CPQ: variants seen among roughly 807,000 people sequenced by gnomAD.
CPQ encodes the protein carboxypeptidase Q.
Under a neutral mutation model 45.7 loss-of-function variants are expected in CPQ, and 37 were observed. That is an observed-to-expected ratio of 0.81 (90% confidence interval 0.62 to 1.07). The LOEUF (loss-of-function observed/expected upper bound fraction) is 1.07. CPQ is among the 50% of genes least tolerant of loss of function. The pLI is 0.00. For missense variants in CPQ, 537 were observed against 572.9 expected, an observed-to-expected ratio of 0.94 and a Z score of 0.64; for synonymous variants, 186 against 205.8, an observed-to-expected ratio of 0.90 and a Z score of 0.82.
chr8:96,707,606 C>A (rs1809549459), intron 1 of CPQ, among the ~76,000 whole-genome samples: 2 of 151,908 alleles, frequency 1.3e-5, no homozygotes, highest in African/African-American at 4.8e-5. Context: ...TAACTTTCTA[C>A]TGGTATTACA....
intron 5 of CPQ, among the ~76,000 whole-genome samples, chr8:96,984,542 A>G (rs959155089): frequency 6.6e-6 from 1 of 152,222 alleles, no homozygotes; most frequent in Non-Finnish European, 1.5e-5. Context: ...TTGGAAGCAG[A>G]GACTGGATCT....
At chr8:97,094,774 G>A (rs1811183852) in intron 7 of CPQ, among the ~76,000 whole-genome samples, 1 of 150,872 alleles carries the variant, frequency 6.6e-6, no homozygotes, top group Admixed American at 6.6e-5. Context: ...TATATATACA[G>A]CTTTACCCAA....
intron 5 of CPQ, among the ~76,000 whole-genome samples, chr8:96,992,131 A>G (rs1254863166): frequency 6.6e-6 from 1 of 152,186 alleles, no homozygotes; most frequent in African/African-American, 2.4e-5. Flanking sequence ...CTTTTCTTCT[A>G]TAATTTTCTT....
intron 4 of CPQ, among the ~76,000 whole-genome samples, chr8:96,963,968 A>G (rs1019044590): frequency 1.3e-4 from 20 of 152,180 alleles, no homozygotes; most frequent in African/African-American, 4.6e-4. Flanking sequence ...AGACTCATAC[A>G]ATTTTATCAT....
chr8:96,910,025 G>T (rs1191921170), intron 4 of CPQ, among the ~76,000 whole-genome samples: 3 of 152,146 alleles, frequency 2.0e-5, no homozygotes, highest in Non-Finnish European at 4.4e-5. Context: ...CACCACCATG[G>T]ACTTTGAGTC....
chr8:96,689,568 G>C (rs111974412), intron 1 of CPQ, among the ~76,000 whole-genome samples: 2 of 152,120 alleles, frequency 1.3e-5, no homozygotes, highest in South Asian at 4.1e-4. Flanking sequence ...ACCAAATTCT[G>C]TGGATTATTG....
chr8:96,827,702 ATAT>A (rs1447829990), intron 2 of CPQ, among the ~76,000 whole-genome samples: 5 of 152,040 alleles, frequency 3.3e-5, no homozygotes, highest in South Asian at 2.1e-4. Context: ...GGTGATGCCA[ATAT>A]TATTGTGATT....
intron 1 of CPQ, among the ~76,000 whole-genome samples, chr8:96,725,623 A>G (rs1389369272): frequency 6.6e-6 from 1 of 152,224 alleles, no homozygotes; most frequent in Non-Finnish European, 1.5e-5. Flanking sequence ...GAATGCTTAT[A>G]TGCTGGTGGT....
intron 7 of CPQ, among the ~76,000 whole-genome samples, chr8:97,110,913 A>G (rs1199330084): frequency 6.6e-6 from 1 of 152,348 alleles, no homozygotes; most frequent in East Asian, 1.9e-4. Context: ...ACAGTATTGC[A>G]GCTTGAATGT....
chr8:97,074,696 G>A (rs141768709), intron 7 of CPQ, among the ~76,000 whole-genome samples: 7 of 152,194 alleles, frequency 4.6e-5, no homozygotes, highest in East Asian at 1.9e-4. Context: ...GCTTGAATCC[G>A]GGAGGCAGAG....
intron 7 of CPQ, among the ~76,000 whole-genome samples, chr8:97,107,470 G>A (rs552939150): frequency 2.6e-5 from 4 of 152,304 alleles, no homozygotes; most frequent in East Asian, 1.9e-4. Flanking sequence ...TTCAAACAAC[G>A]ATCCCCTGAA....
At chr8:96,912,320 C>T (rs1219947603) in intron 4 of CPQ, among the ~76,000 whole-genome samples, 1 of 152,132 alleles carries the variant, frequency 6.6e-6, no homozygotes, top group Non-Finnish European at 1.5e-5. Context: ...TGTCTTTTCA[C>T]TGTGAGCAAG....
chr8:97,142,655 G>A (rs1812187139), intron 7 of CPQ, among the ~76,000 whole-genome samples: 2 of 152,222 alleles, frequency 1.3e-5, no homozygotes, highest in South Asian at 4.1e-4. Context: ...AGCTTGTTGA[G>A]AGAGTTAGCA....
intron 7 of CPQ, among the ~76,000 whole-genome samples, chr8:97,067,401 T>C (rs1810657660): frequency 6.6e-6 from 1 of 152,238 alleles, no homozygotes; most frequent in African/African-American, 2.4e-5. Context: ...GTATTTGTAC[T>C]ATACACATAG....
At chr8:96,883,840 A>C (rs377398614) in intron 4 of CPQ, among the ~76,000 whole-genome samples, 48 of 152,170 alleles carry the variant, frequency 3.2e-4, no homozygotes, top group Admixed American at 5.2e-4. Flanking sequence ...GAGAGCAGGC[A>C]CTCTGTTCAC....
At chr8:96,826,506 G>A (rs1013829675) in intron 2 of CPQ, among the ~76,000 whole-genome samples, 5 of 151,944 alleles carry the variant, frequency 3.3e-5, no homozygotes, top group African/African-American at 1.2e-4. Flanking sequence ...GATTAGTAGT[G>A]CCTTTGCTCC....
At chr8:96,893,208 A>T (rs1172326471) in intron 4 of CPQ, among the ~76,000 whole-genome samples, 1 of 152,162 alleles carries the variant, frequency 6.6e-6, no homozygotes, top group Non-Finnish European at 1.5e-5. Context: ...GTGCCTTTTT[A>T]TTCTAGTTTG....
chr8:97,114,817 C>T (rs936568746), intron 7 of CPQ, among the ~76,000 whole-genome samples: 2 of 152,158 alleles, frequency 1.3e-5, no homozygotes, highest in Non-Finnish European at 2.9e-5. Context: ...TTATAGTCTC[C>T]TTTAAAAACA....
At chr8:96,748,529 A>T (rs928670400) in intron 1 of CPQ, among the ~76,000 whole-genome samples, 1 of 152,086 alleles carries the variant, frequency 6.6e-6, no homozygotes. Context: ...TTACTATATG[A>T]TAACATTTTA....
Sources: allele counts gnomAD v4.1 joint callset (sites outside exome capture counted in the v4.1 genomes callset), GRCh38; gene constraint gnomAD v4.1.1; transcripts MANE v1.5; gene names NCBI Gene and HGNC (gene_info 2026-07-23, HGNC 2026-07-21).